Variants in STK3 observed in about 807,000 individuals in gnomAD.
The protein encoded by STK3 is serine/threonine-protein kinase 3.
In STK3, 41 loss-of-function variants were observed where a neutral mutation model predicts 58.0. The ratio of observed to expected loss-of-function variants is 0.71; its 90% CI spans 0.55 to 0.92. The LOEUF is 0.92. Ranked by LOEUF, STK3 falls within the 40% of genes least tolerant of loss-of-function variation. STK3 has a pLI of 0.00. For synonymous variants in STK3, 170 were observed against 191.0 expected (o/e 0.89, Z 0.91); for missense variants, 479 against 602.7 (o/e 0.79, Z 2.15).
chr8:98,428,054 C>G lies in STK3; in HGVS notation n.483+6073G>C. 6.2e-7 allele frequency: 1 copy of G among 1,612,574 alleles called. No individual in the cohort carries two copies. Among genetic ancestry groups the G allele is most frequent in the South Asian group, 1.1e-5 (1 of 90,936 alleles). ...GGGAGATCCGCATCAATGTGGGCGG[C>G]TTCAAGAGGAGGCTGCGCTCGCACA... On this transcript the variant is annotated intron_variant and non_coding_transcript_variant, in intron 3 of 3. Transcript: ENST00000517832. The surrounding 1 kb of genome is among the most constrained non-coding windows in gnomAD (Gnocchi z 6.7).
chr8:98,785,592 A>G (rs1046603497), intron 1 of STK3, among the ~76,000 whole-genome samples: 2 of 152,168 alleles, frequency 1.3e-5, no homozygotes. Context: ...AGACTACTGT[A>G]CACTCCACAA....
In STK3 at chr8:98,671,748, C is replaced by T. The variant is rs988476280; in HGVS notation, c.684+34719G>A. Among the ~76,000 whole-genome samples, 4 of 151,956 alleles carry T rather than the reference C, an allele frequency of 2.6e-5. No individual in the cohort carries two copies. In the East Asian group the frequency reaches 5.8e-4, roughly 22 times the overall value. ...AGGCACATACCACCACACTTGGCTA[C>T]TTTTTAAAAAATCTTTTGTAGATAA... On this transcript the variant is annotated intron_variant, in intron 6 of 10. Transcript: ENST00000419617.
At chr8:98,507,886 A>G (rs999015844) in intron 10 of STK3, among the ~76,000 whole-genome samples, 3 of 152,058 alleles carry the variant, frequency 2.0e-5, no homozygotes, top group African/African-American at 7.2e-5. Flanking sequence ...CACTTTCTCA[A>G]TGAAGCCTTC....
the STK3 span, among the ~76,000 whole-genome samples, chr8:98,362,352 C>G: frequency 6.6e-6 from 1 of 151,964 alleles, no homozygotes; most frequent in East Asian, 1.9e-4. Context: ...GGCTGCAACA[C>G]TTTTTTTTGA....
At chr8:98,347,191 G>T in the STK3 span, among the ~76,000 whole-genome samples, 1 of 151,742 alleles carries the variant, frequency 6.6e-6, no homozygotes, top group Non-Finnish European at 1.5e-5. Flanking sequence ...AATAAACCAA[G>T]GAAAAAGATG....
At chr8:98,918,127 C>T (rs1839411770) in intron 1 of STK3, among the ~76,000 whole-genome samples, 1 of 152,108 alleles carries the variant, frequency 6.6e-6, no homozygotes, top group African/African-American at 2.4e-5. Context: ...ATGTTTGTTC[C>T]CTCCCCCTTT....
At chr8:98,580,459 TGAG>T (rs575610849) in intron 7 of STK3, among the ~76,000 whole-genome samples, 2,264 of 152,264 alleles carry the variant, frequency 0.015, 47 homozygotes, top group Non-Finnish European at 0.019. Flanking sequence ...TTCTTTTTAT[TGAG>T]AAGGAGGGAC....
In STK3 at chr8:98,579,649, A is replaced by G. The variant is rs766148372; in HGVS notation, c.948+15T>C. 4 of 1,598,708 alleles carry G rather than the reference A, an allele frequency of 2.5e-6. No individual in the cohort carries two copies. The African/African-American group carries it at 5.4e-5, about 22-fold the overall frequency. On this transcript the variant is annotated intron_variant, in intron 8 of 10. Transcript: ENST00000419617. ...TCAGAAGAAAAAAATCAACTTTTTG[A>G]AGATAATTACAAACCGAATTTTCTT... is the stretch of plus-strand genomic sequence containing the variant.
At chr8:98,772,560 G>A (rs776405280) in intron 2 of STK3, among the ~76,000 whole-genome samples, 5 of 152,026 alleles carry the variant, frequency 3.3e-5, no homozygotes, top group Non-Finnish European at 7.4e-5. Flanking sequence ...TTAGCTGGGC[G>A]TGGTGGCAGG....
At chr8:98,641,148 A>T (rs1819986289) in intron 6 of STK3, among the ~76,000 whole-genome samples, 1 of 152,188 alleles carries the variant, frequency 6.6e-6, no homozygotes, top group African/African-American at 2.4e-5. Flanking sequence ...TCTAGTGGCT[A>T]CTAACATACA....
At chr8:98,836,312 G>C (rs1204960010) in intron 3 of STK3, among the ~76,000 whole-genome samples, 1 of 152,180 alleles carries the variant, frequency 6.6e-6, no homozygotes, top group African/African-American at 2.4e-5. Flanking sequence ...CCAACTTCCT[G>C]ATTCATAGAC....
At chr8:98,522,447 T>C (rs1237818977) in intron 10 of STK3, among the ~76,000 whole-genome samples, 1 of 152,202 alleles carries the variant, frequency 6.6e-6, no homozygotes, top group Non-Finnish European at 1.5e-5. Flanking sequence ...TTTATTTCCA[T>C]ATCTTATGAA....
chr8:98,883,399 C>A, downstream of STK3: 1 of 393,968 alleles, frequency 2.5e-6, no homozygotes, highest in East Asian at 4.8e-5. Context: ...GGCTGGCCTG[C>A]CAGAAGGAAA....
intron 1 of STK3, among the ~76,000 whole-genome samples, chr8:98,383,873 T>C (rs1817763982): frequency 6.6e-6 from 1 of 152,226 alleles, no homozygotes; most frequent in Non-Finnish European, 1.5e-5. Context: ...AGTGCAGATG[T>C]TGCCTTCCAG....
intron 10 of STK3, among the ~76,000 whole-genome samples, chr8:98,524,622 G>C (rs1586775159): frequency 6.6e-6 from 1 of 152,268 alleles, no homozygotes; most frequent in East Asian, 1.9e-4. Flanking sequence ...AATGGACACT[G>C]TGCAGATCCT....
chr8:98,707,752 A>T (rs1275689510), intron 4 of STK3, among the ~76,000 whole-genome samples: 2 of 152,122 alleles, frequency 1.3e-5, no homozygotes, highest in Non-Finnish European at 2.9e-5. Context: ...AAAATGCTAA[A>T]GGGGTAAATA....
At chr8:98,677,427 C>T (rs528618912) in intron 6 of STK3, among the ~76,000 whole-genome samples, 45 of 148,698 alleles carry the variant, frequency 3.0e-4, no homozygotes, top group African/African-American at 1.1e-3. Flanking sequence ...CAGCCTGCTA[C>T]TTGACTGAAT....
intron 3 of STK3, among the ~76,000 whole-genome samples, chr8:98,395,574 A>G (rs959163104): frequency 2.0e-5 from 3 of 152,356 alleles, no homozygotes; most frequent in African/African-American, 7.2e-5. Context: ...AGGTAAAAAG[A>G]GCTAACTATT....
At chr8:98,643,438 T>C (rs1024735307) in intron 6 of STK3, among the ~76,000 whole-genome samples, 3 of 152,134 alleles carry the variant, frequency 2.0e-5, no homozygotes, top group Non-Finnish European at 4.4e-5. Context: ...ATCAAGGCAG[T>C]CTTACCCCAG....
Sources: allele counts gnomAD v4.1 joint callset (sites outside exome capture counted in the v4.1 genomes callset), GRCh38; gene constraint gnomAD v4.1.1; non-coding constraint Gnocchi (gnomAD v3.1); transcripts MANE v1.5; gene names NCBI Gene and HGNC (gene_info 2026-07-23, HGNC 2026-07-21).